STAG2: variants seen among roughly 807,000 people sequenced by gnomAD.
The protein encoded by STAG2 is cohesin subunit SA-2.
STAG2 carries 14 observed loss-of-function variants against 108.1 expected under a neutral mutation model. The observed-to-expected ratio is 0.13, with a 90% CI of 0.09 to 0.20. The LOEUF is 0.20. Ranked by LOEUF, STAG2 falls within the 10% of genes least tolerant of loss-of-function variation. The probability of loss-of-function intolerance (pLI) is 1.00; values close to 1 mark genes in which losing one functional copy is unlikely to be tolerated. For synonymous variants in STAG2, 307 were observed against 302.7 expected (o/e 1.01, Z -0.15); for missense variants, 440 against 940.9 (o/e 0.47, Z 6.96).
intron 1 of STAG2, among the ~76,000 whole-genome samples, chrX:124,019,304 C>T (rs971498857): frequency 2.7e-5 from 3 of 110,481 alleles, no homozygotes; most frequent in Admixed American, 1.9e-4. Context: ...ATCCGCCTGC[C>T]TTGGCCTCCC....
chrX:123,991,104 G>A lies in STAG2; in HGVS notation c.-163+29248G>A, dbSNP rs752646852. 4.5e-5 allele frequency among the ~76,000 whole-genome samples: 5 copies of A among 111,700 alleles called. No homozygotes were observed. The South Asian group carries it at 1.9e-3, about 42-fold the overall frequency. On this transcript the variant is annotated intron_variant, in intron 1 of 34. Coordinates refer to ENST00000371145, the MANE Select transcript of STAG2 (RefSeq NM_001042750.2). ...TCACTATACTTTAAATTCACTGGGG[G>A]GAGAGAGTATGTTTTATTCATTTTC...
intron 24 of STAG2, among the ~76,000 whole-genome samples, 199 bp from the exon 25 acceptor site, chrX:124,070,950 A>T (rs774008369): frequency 2.1e-4 from 24 of 112,030 alleles, no homozygotes; most frequent in Admixed American, 1.1e-3. Context: ...CCTTATACAA[A>T]TATAAGCATT....
chrX:124,067,341 T>C (rs997438917), intron 23 of STAG2, among the ~76,000 whole-genome samples: 3 of 91,507 alleles, frequency 3.3e-5, no homozygotes, highest in South Asian at 1.3e-3. Context: ...CAATCTCGGC[T>C]CACTGCAACC....
At chrX:123,965,702 A>C in intron 1 of STAG2, among the ~76,000 whole-genome samples, 1 of 111,797 alleles carries the variant, frequency 8.9e-6, no homozygotes. Flanking sequence ...TTTGAACTTA[A>C]ACCAAAATCG....
chrX:123,965,223 A>G (rs1449035333), intron 1 of STAG2, among the ~76,000 whole-genome samples: 2 of 112,002 alleles, frequency 1.8e-5, no homozygotes, highest in Non-Finnish European at 3.8e-5. Context: ...TCAAATTTTT[A>G]TTCATATACA....
intron 34 of STAG2, among the ~76,000 whole-genome samples, chrX:124,098,115 G>A (rs963421436): frequency 5.2e-4 from 57 of 110,163 alleles, no homozygotes; most frequent in African/African-American, 1.7e-3. Flanking sequence ...AAAAATAGGG[G>A]CCTAATAGTC....
chrX:124,008,288 A>G (rs1273750036), intron 1 of STAG2, among the ~76,000 whole-genome samples: 3 of 102,683 alleles, frequency 2.9e-5, no homozygotes, highest in Non-Finnish European at 3.9e-5. Context: ...ATCTCGGCTC[A>G]CTGCAACCTC....
At chrX:124,093,102 A>G (rs753339342) in intron 32 of STAG2, among the ~76,000 whole-genome samples, 1 of 111,886 alleles carries the variant, frequency 8.9e-6, no homozygotes, top group East Asian at 2.8e-4. Context: ...AGGGAAAAAC[A>G]AGTCCTACTC....
At chrX:124,009,082 T>C (rs1189327326) in intron 1 of STAG2, among the ~76,000 whole-genome samples, 2 of 111,603 alleles carry the variant, frequency 1.8e-5, no homozygotes, top group African/African-American at 3.3e-5. Context: ...CTCTAATATA[T>C]ATTTGTTTTT....
intron 7 of STAG2, among the ~76,000 whole-genome samples, chrX:124,044,678 A>G (rs1046055976): frequency 2.7e-5 from 3 of 112,044 alleles, no homozygotes; most frequent in Admixed American, 9.5e-5. Flanking sequence ...TTTCTTTAAA[A>G]AATTATGATT....
At chrX:123,999,224 A>G (rs192402398) in intron 1 of STAG2, among the ~76,000 whole-genome samples, 8 of 112,129 alleles carry the variant, frequency 7.1e-5, no homozygotes, top group Non-Finnish European at 1.9e-5. Context: ...ACATTATTCT[A>G]TACATGTGCT....
Position 124,017,001 on chromosome X carries a change from T to C in STAG2, c.-162-4366T>C, listed in dbSNP as rs144607851. On this transcript the variant is annotated intron_variant, in intron 1 of 34. Coordinates refer to ENST00000371145, the MANE Select transcript of STAG2 (RefSeq NM_001042750.2). ...TGGGAGGAGTGTTAAGGGTATGGCA[T>C]GTGGTGTGTGAATTTGCCAGCTTTT... Among the ~76,000 whole-genome samples, 637 of 111,118 alleles carry C rather than the reference T, an allele frequency of 5.7e-3. 4 individuals carry two copies. The highest frequency in any genetic ancestry group is 0.02 in the African/African-American group (618 of 30,586).
intron 4 of STAG2, among the ~76,000 whole-genome samples, chrX:124,027,388 A>G (rs1300623503): frequency 1.8e-5 from 2 of 112,547 alleles, no homozygotes; most frequent in Admixed American, 9.4e-5. Context: ...ATGAATAGAA[A>G]TATTAACTTA....
chrX:124,095,364 T>C lies in STAG2; in HGVS notation c.3706-8T>C, dbSNP rs1569521901. 1 of 1,204,638 alleles carries C rather than the reference T, an allele frequency of 8.3e-7. No individual in the cohort carries two copies. Among genetic ancestry groups the C allele is most frequent in the African/African-American group, 1.7e-5 (1 of 57,753 alleles). On this transcript the variant is annotated splice_polypyrimidine_tract_variant and splice_region_variant and intron_variant, in intron 33 of 34. Transcript: ENST00000371145. ...ACTAATGTCAACTTATTTCCTTTTT[T>C]CCTTTAGCCACCATCAAAGAACAGA...
At chrX:124,095,925 C>T (rs1490731526) in intron 34 of STAG2, among the ~76,000 whole-genome samples, 1 of 109,719 alleles carries the variant, frequency 9.1e-6, no homozygotes, top group Non-Finnish European at 1.9e-5. Flanking sequence ...TCAGTTACCA[C>T]TCCCACCATC....
intron 1 of STAG2, among the ~76,000 whole-genome samples, chrX:123,966,995 C>G (rs2054125216): frequency 9.1e-6 from 1 of 109,659 alleles, no homozygotes; most frequent in Admixed American, 9.8e-5. Flanking sequence ...AGTGATTCTC[C>G]TGCCTCAACC....
chrX:123,968,883 A>G (rs1249069753), intron 1 of STAG2, among the ~76,000 whole-genome samples: 2 of 111,616 alleles, frequency 1.8e-5, no homozygotes, highest in Non-Finnish European at 3.8e-5. Context: ...ACGTGGGGAA[A>G]TTGACGCTCT....
At chrX:124,039,132 T>TTTTA (rs2148128691) in intron 6 of STAG2, among the ~76,000 whole-genome samples, 1 of 77,168 alleles carries the variant, frequency 1.3e-5, no homozygotes, top group African/African-American at 4.2e-5. Context: ...AAGTCTCCCC[T>TTTTA]TTTATTTATT....
In STAG2 at chrX:124,037,547, A is replaced by G; in HGVS notation, c.309A>G (p.Ile103Met). Residue 103 changes from isoleucine to methionine, a missense_variant, in exon 6 of 35, where the codon ATA (isoleucine) becomes ATG (methionine). This residue lies in a region of STAG2 where 69 missense variants were observed against 254.9 expected (regional missense o/e 0.27). Transcript: ENST00000371145. ...TGTAGTCGGTGGTAGATGATTGGAT[A>G]GAATCATACAAGCATGACCGAGATA... is the stretch of plus-strand genomic sequence containing the variant. ...SAMQSVVDDW[I>M]ESYKHDRDIA... 8.5e-7 allele frequency: 1 copy of G among 1,182,946 alleles called. No homozygotes were observed.
Sources: allele counts gnomAD v4.1 joint callset (sites outside exome capture counted in the v4.1 genomes callset), GRCh38; gene constraint gnomAD v4.1.1; regional missense constraint gnomAD v4.1.1; transcripts MANE v1.5; gene names NCBI Gene and HGNC (gene_info 2026-07-23, HGNC 2026-07-21).